The following TTC28 variants were observed in gnomAD, a reference collection of about 807,000 sequenced individuals.
TTC28 encodes the protein tetratricopeptide repeat domain 28.
TTC28 carries 61 observed loss-of-function variants against 198.0 expected under a neutral mutation model. The ratio of observed to expected loss-of-function variants is 0.31; its 90% CI spans 0.25 to 0.38. TTC28 has a LOEUF of 0.38. Ranked by LOEUF, TTC28 falls within the 10% of genes least tolerant of loss-of-function variation. The pLI is 1.00. For missense variants in TTC28, 2,678 were observed against 3,164.0 expected, an observed-to-expected ratio of 0.85 and a Z score of 3.69; for synonymous variants, 1,171 against 1,297.8, an observed-to-expected ratio of 0.90 and a Z score of 2.10.
At chr22:28,319,154 G>A (rs2045404222) in intron 2 of TTC28, among the ~76,000 whole-genome samples, 1 of 152,050 alleles carries the variant, frequency 6.6e-6, no homozygotes, top group African/African-American at 2.4e-5. Flanking sequence ...AGAAAAATGT[G>A]TGAAATATTT....
At chr22:28,247,314 T>C (rs1338702480) in intron 5 of TTC28, among the ~76,000 whole-genome samples, 2 of 152,142 alleles carry the variant, frequency 1.3e-5, no homozygotes, top group East Asian at 3.9e-4. Context: ...AACTTTCTCA[T>C]GGTGTGGGTG....
At chr22:28,155,578 T>C (rs925527453) in intron 6 of TTC28, among the ~76,000 whole-genome samples, 3 of 152,184 alleles carry the variant, frequency 2.0e-5, no homozygotes, top group African/African-American at 7.2e-5. Context: ...TAATGAATGG[T>C]ATTTGGGATA....
intron 12 of TTC28, among the ~76,000 whole-genome samples, chr22:28,047,021 A>G (rs992415234): frequency 5.3e-5 from 8 of 152,150 alleles, no homozygotes; most frequent in Non-Finnish European, 1.0e-4. Flanking sequence ...CAGTGGTCAG[A>G]GACGGCCAGA....
At chr22:28,198,789 A>G (rs775225816) in intron 5 of TTC28, among the ~76,000 whole-genome samples, 19 of 152,124 alleles carry the variant, frequency 1.2e-4, no homozygotes, top group Non-Finnish European at 2.5e-4. Context: ...TAGTGTTGGT[A>G]TCCACCTAGC....
chr22:28,348,679 A>T (rs2045946401), intron 2 of TTC28, among the ~76,000 whole-genome samples: 1 of 152,144 alleles, frequency 6.6e-6, no homozygotes, highest in African/African-American at 2.4e-5. Flanking sequence ...TTCATGACCA[A>T]ATGCTACTTA....
intron 5 of TTC28, among the ~76,000 whole-genome samples, chr22:28,213,471 C>T (rs909642042): frequency 2.1e-5 from 1 of 46,514 alleles, no homozygotes; most frequent in African/African-American, 9.3e-5. Context: ...CACAAGCCTT[C>T]CTATACACCC....
chr22:28,494,341 G>A (rs2048422336), intron 2 of TTC28, among the ~76,000 whole-genome samples: 1 of 152,080 alleles, frequency 6.6e-6, no homozygotes, highest in Admixed American at 6.5e-5. Flanking sequence ...CAGCATCCTG[G>A]GTTCCTACTT....
At chr22:28,659,556 CTATT>C (rs1287197200) in intron 1 of TTC28, among the ~76,000 whole-genome samples, 1 of 152,128 alleles carries the variant, frequency 6.6e-6, no homozygotes, top group Non-Finnish European at 1.5e-5. Flanking sequence ...GTCAAAATTA[CTATT>C]TATTAATAAC....
intron 5 of TTC28, among the ~76,000 whole-genome samples, chr22:28,171,891 C>T (rs143485660): frequency 2.0e-5 from 3 of 152,258 alleles, no homozygotes; most frequent in East Asian, 3.9e-4. Context: ...TTGTGAGCCT[C>T]TTTGGGGCTG....
chr22:28,265,187 T>C (rs1470438808), intron 5 of TTC28, among the ~76,000 whole-genome samples: 1 of 152,196 alleles, frequency 6.6e-6, no homozygotes, highest in African/African-American at 2.4e-5. Flanking sequence ...ATTTGCATAT[T>C]TTACACAATT....
chr22:28,179,165 GT>G (rs71316832), intron 5 of TTC28, among the ~76,000 whole-genome samples: 125 of 140,938 alleles, frequency 8.9e-4, no homozygotes, highest in Non-Finnish European at 9.3e-4. Flanking sequence ...TTTTTGTTTT[GT>G]TTTTTTTTTT....
chr22:28,169,823 T>TAATAA (rs757899990), intron 5 of TTC28, among the ~76,000 whole-genome samples: 69 of 151,512 alleles, frequency 4.6e-4, no homozygotes, highest in South Asian at 1.7e-3. Context: ...AGTATAATAA[T>TAATAA]AATAAAATAA....
At chr22:28,334,928 C>A (rs1036459960) in intron 2 of TTC28, among the ~76,000 whole-genome samples, 1 of 152,132 alleles carries the variant, frequency 6.6e-6, no homozygotes, top group Non-Finnish European at 1.5e-5. Flanking sequence ...AAGTCCTTGG[C>A]CATGCCTATG....
chr22:28,629,172 G>C (rs1601639748), intron 2 of TTC28, among the ~76,000 whole-genome samples: 1 of 152,180 alleles, frequency 6.6e-6, no homozygotes, highest in Admixed American at 6.5e-5. Flanking sequence ...GTCATTGACA[G>C]AGAATGAAAT....
At chr22:28,181,609 T>G (rs1372020395) in intron 5 of TTC28, among the ~76,000 whole-genome samples, 1 of 152,220 alleles carries the variant, frequency 6.6e-6, no homozygotes, top group Non-Finnish European at 1.5e-5. Flanking sequence ...AATTGCCAAC[T>G]TGCAGCCAAT....
intron 5 of TTC28, among the ~76,000 whole-genome samples, chr22:28,218,583 C>T (rs1485977746): frequency 6.6e-6 from 1 of 151,882 alleles, no homozygotes; most frequent in Non-Finnish European, 1.5e-5. Context: ...AAAAAAAGTT[C>T]TATAAAAAAA....
intron 5 of TTC28, among the ~76,000 whole-genome samples, chr22:28,184,004 T>C (rs1025581136): frequency 2.0e-5 from 3 of 152,184 alleles, no homozygotes; most frequent in African/African-American, 7.2e-5. Flanking sequence ...AATAATGGAC[T>C]TAGCAACCAT....
chr22:28,084,623 C>T (rs537907380), intron 12 of TTC28, among the ~76,000 whole-genome samples: 3 of 152,246 alleles, frequency 2.0e-5, no homozygotes, highest in Non-Finnish European at 2.9e-5. Context: ...TCCAAAGAAA[C>T]GCAGCTCCTC....
Position 28,108,294 on chromosome 22 carries a change from A to G in TTC28, c.1551T>C (p.Tyr517=). ...LSDYAAQGRA[Y]GNMGNAYNAL... Reference sequence around the variant, plus strand: ...CATTGTAGGCATTGCCCATATTCCCATAGGCACGGCCCTGGGCAGCATAAT... The same window carrying G: ...CATTGTAGGCATTGCCCATATTCCCGTAGGCACGGCCCTGGGCAGCATAAT... The change falls in exon 7 of 23, where the codon TAT becomes TAC. Residue 517 remains tyrosine (Y), a synonymous_variant. Coordinates refer to ENST00000397906, the MANE Select transcript of TTC28 (RefSeq NM_001145418.2). 3.2e-6 allele frequency: 5 copies of G among 1,545,480 alleles called. No individual in the cohort carries two copies. Among genetic ancestry groups the G allele is most frequent in the Non-Finnish European group, 4.4e-6 (5 of 1,142,166 alleles).
Sources: gnomAD v4.1 joint callset for allele counts (sites outside exome capture counted in the v4.1 genomes callset) on GRCh38, gnomAD v4.1.1 for gene constraint, MANE v1.5 for transcripts, NCBI Gene and HGNC (gene_info 2026-07-23, HGNC 2026-07-21) for gene names.